The following RIPK2 variants were observed in gnomAD, a reference collection of about 807,000 sequenced individuals.
RIPK2 encodes the protein receptor interacting serine/threonine kinase 2, also known as receptor-interacting serine/threonine-protein kinase 2.
Under a neutral mutation model 60.9 loss-of-function variants are expected in RIPK2, and 38 were observed. The ratio of observed to expected loss-of-function variants is 0.62; its 90% CI spans 0.48 to 0.82. RIPK2 has a LOEUF of 0.82. RIPK2 is among the 40% of genes least tolerant of loss of function. The pLI, the probability that RIPK2 is intolerant of heterozygous loss-of-function variation, is 0.00. For synonymous variants in RIPK2, 225 were observed against 223.4 expected, an observed-to-expected ratio of 1.01 and a Z score of -0.06; for missense variants, 518 against 647.0, an observed-to-expected ratio of 0.80 and a Z score of 2.16.
At chr8:89,777,672 A>G (rs1158745124) in intron 6 of RIPK2, among the ~76,000 whole-genome samples, 3 of 152,034 alleles carry the variant, frequency 2.0e-5, no homozygotes, top group Non-Finnish European at 2.9e-5. Context: ...TTGGGATGCT[A>G]CTGGTTTTGT....
chr8:89,784,141 TAAAAAAAA>T lies in RIPK2; in HGVS notation c.1029+18_1029+25del, dbSNP rs71268283. 1.9e-3 allele frequency: 1,039 copies of T among 556,984 alleles called. No homozygotes were observed. The highest frequency in any genetic ancestry group is 2.6e-3 in the Middle Eastern group (5 of 1,890). The allele number at this position is 556,984 out of a possible 1,614,324, so 34.5% of individuals were successfully genotyped here. ...CCTGTAAATCATGGTCCACAAGAGG[TAAAAAAAA>T]AAAAAAAAAAAAAAAGGTTATATTA... On this transcript the variant is annotated splice_donor_5th_base_variant and intron_variant, in intron 8 of 10. Coordinates refer to ENST00000220751, the MANE Select transcript of RIPK2 (RefSeq NM_003821.6).
At chr8:89,763,253 A>G (rs911436295) in intron 2 of RIPK2, among the ~76,000 whole-genome samples, 7 of 152,194 alleles carry the variant, frequency 4.6e-5, no homozygotes, top group African/African-American at 1.7e-4. Flanking sequence ...TGCATATTAC[A>G]TGGGTAGAAA....
intron 3 of RIPK2, 113 bp from the exon 4 acceptor site, chr8:89,769,659 T>C: frequency 1.5e-6 from 1 of 664,938 alleles, no homozygotes; most frequent in Non-Finnish European, 2.4e-6. Context: ...TATTAAAATA[T>C]ATTACATTTT....
At chr8:89,763,510 C>T (rs1422633758) in intron 2 of RIPK2, among the ~76,000 whole-genome samples, 2 of 152,086 alleles carry the variant, frequency 1.3e-5, no homozygotes, top group Non-Finnish European at 2.9e-5. Context: ...GATTATGAAT[C>T]CCTTGAGTAA....
chr8:89,767,638 G>A (rs1185910467), intron 3 of RIPK2, among the ~76,000 whole-genome samples: 1 of 151,690 alleles, frequency 6.6e-6, no homozygotes, highest in Non-Finnish European at 1.5e-5. Context: ...GTCTCCCAAA[G>A]CAGTTATCCT....
intron 7 of RIPK2, among the ~76,000 whole-genome samples, chr8:89,783,834 A>T (rs79885011): frequency 3.7e-4 from 56 of 152,282 alleles, no homozygotes; most frequent in African/African-American, 1.3e-3. Flanking sequence ...GAAGGTAACC[A>T]ATTAATATGA....
rs1027469970 is a variant in RIPK2 at position 89,758,229 on chromosome 8, G to T, written c.169G>T (p.Asp57Tyr). The change falls in exon 1 of 11, where the codon GAC (aspartate) becomes TAC (tyrosine). Residue 57 changes from aspartate to tyrosine, a missense_variant. Transcript: ENST00000220751. ...KHLHIHTPLL[D>Y]SERKDVLREA... ...CCTGCACATCCACACTCCGCTGCTC[G>T]ACAGGTAGGCAGTCACTGGGGTTCC... 1 of 1,603,598 alleles carries T rather than the reference G, an allele frequency of 6.2e-7. No individual in the cohort carries two copies. The highest frequency in any genetic ancestry group is 2.2e-5 in the East Asian group (1 of 44,460).
At chr8:89,778,089 C>T (rs1006784741) in intron 6 of RIPK2, among the ~76,000 whole-genome samples, 1 of 151,368 alleles carries the variant, frequency 6.6e-6, no homozygotes, top group Non-Finnish European at 1.5e-5. Context: ...ATAAAGGAAG[C>T]TTGAAAAACT....
chr8:89,761,020 G>A (rs747517569), intron 1 of RIPK2, among the ~76,000 whole-genome samples: 9 of 152,206 alleles, frequency 5.9e-5, no homozygotes, highest in Non-Finnish European at 8.8e-5. Flanking sequence ...AGCAGTTGGA[G>A]TATTAAGTGA....
At chr8:89,769,670 C>A (rs918042038) in intron 3 of RIPK2, 102 bp from the exon 4 acceptor site, 15 of 708,992 alleles carry the variant, frequency 2.1e-5, no homozygotes, top group African/African-American at 1.5e-4. Context: ...ATTACATTTT[C>A]TCTGGTTTGA....
In RIPK2 at chr8:89,762,938, A is replaced by G; in HGVS notation, c.283A>G (p.Thr95Ala). ...TGAGCCTGAATTTTTGGGAATAGTT[A>G]CTGAATACATGCCAAATGGATCATT... ...CNEPEFLGIV[T>A]EYMPNGSLNE... Residue 95 changes from threonine (T) to alanine (A), a missense_variant, in exon 2 of 11, where the codon ACT becomes GCT. Transcript: ENST00000220751. The G allele has an allele frequency of 6.5e-7, 1 of 1,544,650 alleles. No homozygotes were observed. The highest frequency in any genetic ancestry group is 8.8e-7 in the Non-Finnish European group (1 of 1,139,022).
intron 3 of RIPK2, among the ~76,000 whole-genome samples, chr8:89,768,040 T>C (rs1809256435): frequency 6.6e-6 from 1 of 151,716 alleles, no homozygotes; most frequent in Non-Finnish European, 1.5e-5. Context: ...CAGACTTTAG[T>C]GAAAGTGTCA....
At chr8:89,779,005 A>C (rs1487702526) in intron 6 of RIPK2, among the ~76,000 whole-genome samples, 1 of 152,152 alleles carries the variant, frequency 6.6e-6, no homozygotes, top group Non-Finnish European at 1.5e-5. Flanking sequence ...GTGAGTATGG[A>C]GTGATATCTC....
At chr8:89,764,985 CAT>C (rs1486099696) in intron 2 of RIPK2, among the ~76,000 whole-genome samples, 1 of 151,972 alleles carries the variant, frequency 6.6e-6, no homozygotes, top group African/African-American at 2.4e-5. Flanking sequence ...CTGATTAAGA[CAT>C]AGAATGAGGA....
At chr8:89,787,129 A>C (rs1200558390) in intron 9 of RIPK2, among the ~76,000 whole-genome samples, 1 of 152,104 alleles carries the variant, frequency 6.6e-6, no homozygotes, top group Non-Finnish European at 1.5e-5. Flanking sequence ...GCACCACCAC[A>C]CTCCATCCTG....
intron 10 of RIPK2, 97 bp downstream of exon 10, chr8:89,789,579 C>T: frequency 1.7e-6 from 2 of 1,156,852 alleles, no homozygotes; most frequent in Admixed American, 2.2e-5. Context: ...GTCTTTATTT[C>T]CTCAATATGA....
Position 89,790,737 on chromosome 8 carries a change from A to G in RIPK2, c.*321A>G. ...AGCCATTTTCACATTCATGTTCTTC[A>G]TGGATTATTTGTTACTTGTCTAAGA... On this transcript the variant is annotated 3_prime_UTR_variant, in exon 11 of 11. Coordinates refer to ENST00000220751, the MANE Select transcript of RIPK2 (RefSeq NM_003821.6). 4.6e-6 allele frequency: 1 copy of G among 218,186 alleles called. No homozygotes were observed. The highest frequency in any genetic ancestry group is 9.1e-6 in the Non-Finnish European group (1 of 109,514). 13.5% of individuals were successfully genotyped at this position (218,186 alleles called of 1,614,324 possible).
chr8:89,770,988 T>G (rs76406545), intron 4 of RIPK2, among the ~76,000 whole-genome samples: 1 of 151,930 alleles, frequency 6.6e-6, no homozygotes, highest in Middle Eastern at 3.4e-3. Flanking sequence ...GAGATCATGT[T>G]CTACCCAACA....
At chr8:89,769,518 A>G (rs1183073289) in intron 3 of RIPK2, among the ~76,000 whole-genome samples, 1 of 151,902 alleles carries the variant, frequency 6.6e-6, no homozygotes, top group Admixed American at 6.6e-5. Flanking sequence ...ATTTTCAAAA[A>G]TTAGTCTCTC....
Sources: gnomAD v4.1 joint callset for allele counts (sites outside exome capture counted in the v4.1 genomes callset) on GRCh38, gnomAD v4.1.1 for gene constraint, MANE v1.5 for transcripts, NCBI Gene and HGNC (gene_info 2026-07-23, HGNC 2026-07-21) for gene names.